Variants in CCDC192 observed in about 807,000 individuals in gnomAD.
CCDC192 encodes coiled-coil domain containing 192, also known as coiled-coil domain-containing protein 192.
chr5:127,828,875 T>C (rs1749658227), intron 5 of CCDC192, among the ~76,000 whole-genome samples: 1 of 152,200 alleles, frequency 6.6e-6, no homozygotes, highest in Non-Finnish European at 1.5e-5. Context: ...CAAGAGCAGT[T>C]GGTAGCCATC....
At chr5:127,847,180 G>A (rs1346359119) in intron 5 of CCDC192, among the ~76,000 whole-genome samples, 1 of 152,094 alleles carries the variant, frequency 6.6e-6, no homozygotes, top group Non-Finnish European at 1.5e-5. Flanking sequence ...ATGCACTTTT[G>A]CCCATTCAAG....
chr5:127,854,438 G>T (rs1319060078), intron 5 of CCDC192, among the ~76,000 whole-genome samples: 2 of 152,052 alleles, frequency 1.3e-5, no homozygotes, highest in East Asian at 1.9e-4. Flanking sequence ...ACAATATATT[G>T]TTATAATTTC....
Position 127,851,702 on chromosome 5 carries a change from C to T in CCDC192, c.412-23836C>T, listed in dbSNP as rs538844731. On this transcript the variant is annotated intron_variant, in intron 5 of 6. Transcript: ENST00000514853. ...CGAACTCCTGACCTCGTGATCTGCC[C>T]GCCTCGGCCTCCCAAAGTGCTGGGA... Among the ~76,000 whole-genome samples, 204 of 152,280 alleles carry T rather than the reference C, an allele frequency of 1.3e-3. 1 individual carries two copies. The highest frequency in any genetic ancestry group is 4.8e-3 in the African/African-American group (198 of 41,566).
chr5:127,745,026 C>T (rs1477226126), intron 2 of CCDC192, among the ~76,000 whole-genome samples: 1 of 152,156 alleles, frequency 6.6e-6, no homozygotes, highest in African/African-American at 2.4e-5. Context: ...ACTGTTATAG[C>T]CTCTCAGCAT....
At chr5:127,760,543 G>T (rs1273609173) in intron 3 of CCDC192, among the ~76,000 whole-genome samples, 1 of 151,800 alleles carries the variant, frequency 6.6e-6, no homozygotes, top group African/African-American at 2.4e-5. Flanking sequence ...TCTTCAGGCT[G>T]AGGTTCTTTT....
chr5:127,799,701 TCA>T (rs1757375470), intron 5 of CCDC192, among the ~76,000 whole-genome samples: 1 of 152,178 alleles, frequency 6.6e-6, no homozygotes, highest in South Asian at 2.1e-4. Context: ...GTGTCTTCTT[TCA>T]CTGCCTAGTT....
At chr5:127,840,699 C>G (rs935617855) in intron 5 of CCDC192, among the ~76,000 whole-genome samples, 1 of 151,926 alleles carries the variant, frequency 6.6e-6, no homozygotes, top group Non-Finnish European at 1.5e-5. Context: ...AGACCTATTA[C>G]GACTAAATGT....
intron 6 of CCDC192, among the ~76,000 whole-genome samples, chr5:127,891,432 C>G (rs1049406171): frequency 2.0e-5 from 3 of 152,148 alleles, no homozygotes; most frequent in African/African-American, 7.2e-5. Context: ...TTTCCACTAC[C>G]AAATCTAAAT....
intron 2 of CCDC192, among the ~76,000 whole-genome samples, chr5:127,753,797 T>A (rs1754400058): frequency 6.6e-6 from 1 of 151,792 alleles, no homozygotes; most frequent in African/African-American, 2.4e-5. Context: ...TTCTAAAACA[T>A]GTGGTATCTT....
At chr5:127,834,696 C>T (rs111516619) in intron 5 of CCDC192, among the ~76,000 whole-genome samples, 39 of 152,266 alleles carry the variant, frequency 2.6e-4, no homozygotes, top group African/African-American at 8.4e-4. Flanking sequence ...ACTAATCTCC[C>T]GGGCGCAGTC....
At chr5:127,711,007 G>A (rs1751300711) in intron 2 of CCDC192, among the ~76,000 whole-genome samples, 1 of 152,144 alleles carries the variant, frequency 6.6e-6, no homozygotes, top group African/African-American at 2.4e-5. Flanking sequence ...TCTTCTGACA[G>A]AATAGCTAGT....
chr5:127,913,986 T>C (rs1477079468), intron 6 of CCDC192, among the ~76,000 whole-genome samples: 1 of 152,174 alleles, frequency 6.6e-6, no homozygotes, highest in African/African-American at 2.4e-5. Context: ...TGTATGAATG[T>C]GAATAAAAAT....
rs1054027075 is a variant in CCDC192, at chr5:127,743,428, C to T, written c.115-10840C>T. 6.6e-5 allele frequency among the ~76,000 whole-genome samples: 10 copies of T among 152,282 alleles called. No homozygotes were observed. The South Asian group carries it at 2.1e-3, about 32-fold the overall frequency. ...GCCATCTATTTCCTGCTGTCTTGAT[C>T]AATACATTCTTCATTTAAAGATGAA... On this transcript the variant is annotated intron_variant, in intron 2 of 6. Transcript: ENST00000514853.
At chr5:127,800,402 CAA>C (rs1491162784) in intron 5 of CCDC192, among the ~76,000 whole-genome samples, 3 of 88,288 alleles carry the variant, frequency 3.4e-5, no homozygotes, top group African/African-American at 4.9e-5. Flanking sequence ...AAAAAAAAAA[CAA>C]CAACAACAAA....
At chr5:127,875,682 G>T (rs1022229056) in intron 6 of CCDC192, 21 bp downstream of exon 6, 2 of 398,704 alleles carry the variant, frequency 5.0e-6, no homozygotes, top group African/African-American at 2.1e-5. Context: ...CCACGTGACA[G>T]ATCCACACTG....
At chr5:127,843,804 G>A (rs1166978882) in intron 5 of CCDC192, among the ~76,000 whole-genome samples, 2 of 152,166 alleles carry the variant, frequency 1.3e-5, no homozygotes, top group African/African-American at 4.8e-5. Flanking sequence ...AAGGTCTGCA[G>A]GTTTTCATGT....
chr5:127,935,449 G>C (rs1025330148), intron 6 of CCDC192: 6 of 152,176 alleles, frequency 3.9e-5, no homozygotes, highest in African/African-American at 1.4e-4. Flanking sequence ...TCCCTTTTTA[G>C]CAAGAAGTAT....
intron 5 of CCDC192, among the ~76,000 whole-genome samples, chr5:127,852,823 G>T (rs551303089): frequency 6.6e-6 from 1 of 152,164 alleles, no homozygotes; most frequent in East Asian, 1.9e-4. Flanking sequence ...GGCCGGGTGC[G>T]GTGGCTCACA....
chr5:127,875,154 A>G (rs147765321), intron 5 of CCDC192, among the ~76,000 whole-genome samples: 6 of 152,308 alleles, frequency 3.9e-5, no homozygotes, highest in East Asian at 1.9e-4. Context: ...GCTCTATTTC[A>G]TATGAGTCTA....
Sources: gnomAD v4.1 joint callset for allele counts (sites outside exome capture counted in the v4.1 genomes callset) on GRCh38, gnomAD v4.1.1 for gene constraint, MANE v1.5 for transcripts, NCBI Gene and HGNC (gene_info 2026-07-23, HGNC 2026-07-21) for gene names.